SLC35D1: variants seen among roughly 807,000 people sequenced by gnomAD.
SLC35D1 encodes the protein nucleotide sugar transporter SLC35D1.
SLC35D1 carries 31 observed loss-of-function variants against 46.7 expected under a neutral mutation model. That is an observed-to-expected ratio of 0.66 (90% CI 0.50 to 0.90). The LOEUF is 0.90. Among genes scored for constraint, SLC35D1 ranks in the 40% least tolerant of loss-of-function variants. The pLI is 0.00. For missense variants in SLC35D1, 397 were observed against 426.2 expected, an observed-to-expected ratio of 0.93 and a Z score of 0.60; for synonymous variants, 195 against 164.6, an observed-to-expected ratio of 1.18 and a Z score of -1.41.
intron 10 of SLC35D1, among the ~76,000 whole-genome samples, chr1:67,020,166 A>T (rs975901631): frequency 5.9e-5 from 9 of 152,172 alleles, no homozygotes; most frequent in African/African-American, 1.9e-4. Flanking sequence ...TGCTCTTCAG[A>T]GCTAAGCTGC....
At chr1:67,047,609 T>C (rs1188037743) in intron 6 of SLC35D1, among the ~76,000 whole-genome samples, 8 of 152,202 alleles carry the variant, frequency 5.3e-5, no homozygotes, top group African/African-American at 9.6e-5. Flanking sequence ...GTCATTCATG[T>C]CATTTAATAG....
chr1:67,023,165 T>C (rs1667846472), intron 8 of SLC35D1, among the ~76,000 whole-genome samples: 1 of 152,214 alleles, frequency 6.6e-6, no homozygotes, highest in Non-Finnish European at 1.5e-5. Flanking sequence ...CTGACATGTT[T>C]TTATTTATCT....
chr1:66,987,119 C>T, the SLC35D1 span: 2 of 152,622 alleles, frequency 1.3e-5, no homozygotes, highest in Non-Finnish European at 2.9e-5. Context: ...TTAAAAAATA[C>T]ACCTAATGAA....
intron 10 of SLC35D1, 152 bp downstream of exon 10, chr1:67,020,217 T>C: frequency 1.6e-6 from 1 of 642,262 alleles, no homozygotes; most frequent in Admixed American, 2.2e-5. Context: ...TCTTAAAGAA[T>C]ATTTCAGAAA....
intron 4 of SLC35D1, 99 bp from the exon 5 acceptor site, chr1:67,050,603 T>A: frequency 1.1e-6 from 1 of 944,268 alleles, no homozygotes; most frequent in Non-Finnish European, 1.7e-6. Flanking sequence ...ATTCTTCCAT[T>A]ATGGAAATTC....
intron 10 of SLC35D1, among the ~76,000 whole-genome samples, chr1:67,019,515 G>C (rs113358679): frequency 6.6e-5 from 10 of 152,202 alleles, no homozygotes; most frequent in African/African-American, 2.4e-4. Flanking sequence ...ACTGAGATCA[G>C]GTGGGCACCA....
In SLC35D1 at chr1:67,004,076, A is replaced by G. The variant is rs937605746; in HGVS notation, c.*264T>C. The G allele has an allele frequency of 1.3e-5, 5 of 393,374 alleles. No individual in the cohort carries two copies. Among genetic ancestry groups the G allele is most frequent in the Non-Finnish European group, 1.9e-5 (4 of 210,064 alleles). 24.4% of individuals were successfully genotyped at this position (393,374 alleles called of 1,614,324 possible). A position where few individuals can be genotyped will look rare whatever the true frequency, so the allele number is the denominator to read the frequency against. ...AAAACACTGATGTTTCACTGTCGGC[A>G]TATAAGAAAAATAAATTAAAAAGCC... On this transcript the variant is annotated 3_prime_UTR_variant, in exon 12 of 12. Coordinates refer to ENST00000235345, the MANE Select transcript of SLC35D1 (RefSeq NM_015139.3).
At chr1:67,017,308 T>A (rs1667705267) in intron 10 of SLC35D1, among the ~76,000 whole-genome samples, 2 of 152,142 alleles carry the variant, frequency 1.3e-5, no homozygotes, top group South Asian at 4.1e-4. Context: ...CTATAGCACA[T>A]CTGTTTAAAT....
In SLC35D1 at chr1:67,054,037, G is replaced by C. The variant is rs760859292; in HGVS notation, c.-24C>G. The stretch of plus-strand genomic sequence containing the variant: ...ATGGCTGCCGCAGCAGCGGTGGCCT[G>C]GCGGCGGGGCCTAGCGGCTCGGGGG... On this transcript the variant is annotated 5_prime_UTR_variant, in exon 1 of 12. Transcript: ENST00000235345. 1.4e-5 allele frequency: 22 copies of C among 1,603,608 alleles called. No homozygotes were observed. In the East Asian group the frequency reaches 4.9e-4, roughly 36 times the overall value.
chr1:67,050,612 T>G (rs1645298454), intron 4 of SLC35D1, 108 bp from the exon 5 acceptor site: 1 of 888,384 alleles, frequency 1.1e-6, no homozygotes, highest in Middle Eastern at 3.3e-4. Flanking sequence ...TTATGGAAAT[T>G]CCATACAAAT....
At chr1:66,986,671 C>CT in the SLC35D1 span, 2 of 509,702 alleles carry the variant, frequency 3.9e-6, no homozygotes, top group East Asian at 6.1e-5. Context: ...TTGACTTCAT[C>CT]TTAATGTACA....
intron 3 of SLC35D1, among the ~76,000 whole-genome samples, chr1:67,052,291 G>T (rs1645317793): frequency 6.6e-6 from 1 of 152,114 alleles, no homozygotes; most frequent in Non-Finnish European, 1.5e-5. Context: ...AGGGAGGAAG[G>T]CAGGGAGAAA....
At chr1:66,974,566 C>G in the SLC35D1 span, among the ~76,000 whole-genome samples, 1 of 151,762 alleles carries the variant, frequency 6.6e-6, no homozygotes, top group African/African-American at 2.4e-5. Flanking sequence ...ACAACCCTGA[C>G]CAATATGATT....
At chr1:67,022,058 T>G (rs1364676670) in intron 8 of SLC35D1, among the ~76,000 whole-genome samples, 1 of 152,198 alleles carries the variant, frequency 6.6e-6, no homozygotes, top group Non-Finnish European at 1.5e-5. Context: ...CAGCCTTAGT[T>G]ATACAAATTC....
intron 8 of SLC35D1, among the ~76,000 whole-genome samples, chr1:67,040,378 G>C (rs145718841): frequency 6.6e-6 from 1 of 152,252 alleles, no homozygotes; most frequent in Non-Finnish European, 1.5e-5. Flanking sequence ...AATTTAGAAG[G>C]AATCAGGGTG....
intron 8 of SLC35D1, among the ~76,000 whole-genome samples, chr1:67,031,278 G>A (rs1396595204): frequency 2.6e-5 from 4 of 151,800 alleles, no homozygotes; most frequent in Non-Finnish European, 4.4e-5. Context: ...CCTCTGCTTC[G>A]CCACAGGAAT....
At chr1:67,013,332 A>G (rs868710901) in intron 10 of SLC35D1, among the ~76,000 whole-genome samples, 37 of 151,312 alleles carry the variant, frequency 2.4e-4, no homozygotes, top group Admixed American at 3.3e-4. Context: ...AAATCACTTG[A>G]GCCCAGGAGT....
At chr1:67,044,526 T>G (rs553968248) in intron 7 of SLC35D1, among the ~76,000 whole-genome samples, 1 of 152,298 alleles carries the variant, frequency 6.6e-6, no homozygotes. Flanking sequence ...GCTTAAAATT[T>G]TAACATACAG....
At position 67,020,295 on chromosome 1, in the gene SLC35D1, A is replaced by G. The variant is rs1187575475; in HGVS notation, c.876+74T>C. The G allele has an allele frequency of 6.1e-6, 6 of 978,218 alleles. No individual in the cohort carries two copies. The African/African-American group carries it at 8.0e-5, about 13-fold the overall frequency. 60.6% of individuals were successfully genotyped at this position (978,218 alleles called of 1,614,324 possible). On this transcript the variant is annotated intron_variant, in intron 10 of 11. Transcript: ENST00000235345. ...TAACGATTTGGGTCTTAAGGCCATCAACAGACTCTTATCTTAAAGGAACAA... is the reference window on the plus strand; with the variant it reads ...TAACGATTTGGGTCTTAAGGCCATCGACAGACTCTTATCTTAAAGGAACAA...
Sources: gnomAD v4.1 joint callset for allele counts (sites outside exome capture counted in the v4.1 genomes callset) on GRCh38, gnomAD v4.1.1 for gene constraint, MANE v1.5 for transcripts, NCBI Gene and HGNC (gene_info 2026-07-23, HGNC 2026-07-21) for gene names.